COL5A2: variants seen among roughly 807,000 people sequenced by gnomAD.
COL5A2 encodes collagen type V alpha 2 chain, also known as collagen alpha-2(V) chain.
A neutral mutation model predicts 208.2 loss-of-function variants in COL5A2; 23 were observed. The ratio of observed to expected loss-of-function variants is 0.11; its 90% CI spans 0.08 to 0.16. The LOEUF (loss-of-function observed/expected upper bound fraction) is 0.16. Ranked by LOEUF, COL5A2 falls within the 10% of genes least tolerant of loss-of-function variation. The pLI is 1.00. For missense variants in COL5A2, 1,590 were observed against 1,956.4 expected, an observed-to-expected ratio of 0.81 and a Z score of 3.53; for synonymous variants, 625 against 628.5, an observed-to-expected ratio of 0.99 and a Z score of 0.08.
At chr2:189,324,463 T>G in the COL5A2 span, among the ~76,000 whole-genome samples, 1 of 151,856 alleles carries the variant, frequency 6.6e-6, no homozygotes, top group Admixed American at 6.6e-5. Context: ...TCAAACAAAT[T>G]TACAAGAAAA....
intron 1 of COL5A2, among the ~76,000 whole-genome samples, chr2:189,122,646 A>G (rs1466897386): frequency 1.3e-5 from 2 of 152,170 alleles, no homozygotes; most frequent in African/African-American, 2.4e-5. Flanking sequence ...TGTAAACTCT[A>G]CTGGGCTGTA....
intron 45 of COL5A2, 75 bp downstream of exon 45, chr2:189,048,134 C>T: frequency 1.5e-6 from 2 of 1,355,682 alleles, no homozygotes; most frequent in South Asian, 1.2e-5. Flanking sequence ...GGAAAAATGA[C>T]AGTTTTTAGT....
At chr2:189,371,863 T>A in the COL5A2 span, among the ~76,000 whole-genome samples, 1 of 152,196 alleles carries the variant, frequency 6.6e-6, no homozygotes, top group Non-Finnish European at 1.5e-5. Context: ...AATACAAGCA[T>A]GTTATAAAGC....
At chr2:189,066,922 T>A (rs1203466806) in intron 21 of COL5A2, 140 bp from the exon 22 acceptor site, 2 of 680,138 alleles carry the variant, frequency 2.9e-6, no homozygotes, top group Non-Finnish European at 2.7e-6. Context: ...TAATCATTTT[T>A]AAATGAATGC....
chr2:189,093,958 A>T (rs1004967987), intron 6 of COL5A2, among the ~76,000 whole-genome samples: 4 of 152,256 alleles, frequency 2.6e-5, no homozygotes, highest in African/African-American at 9.6e-5. Context: ...ATTATTACAT[A>T]CAAAAAGTGA....
chr2:189,378,008 C>T, the COL5A2 span, among the ~76,000 whole-genome samples: 1 of 152,050 alleles, frequency 6.6e-6, no homozygotes, highest in African/African-American at 2.4e-5. Context: ...TAAGAGTTAC[C>T]TAACTTAAAC....
chr2:189,249,202 T>C, the COL5A2 span, among the ~76,000 whole-genome samples: 2 of 152,184 alleles, frequency 1.3e-5, no homozygotes, highest in African/African-American at 4.8e-5. Context: ...CCAGCAATTA[T>C]CATTAATTGC....
chr2:189,289,266 G>A, the COL5A2 span, among the ~76,000 whole-genome samples: 2 of 151,982 alleles, frequency 1.3e-5, no homozygotes, highest in African/African-American at 4.8e-5. Context: ...GCCTGAACCT[G>A]GGAGGCGGAG....
At chr2:189,370,132 T>A in the COL5A2 span, among the ~76,000 whole-genome samples, 3 of 152,194 alleles carry the variant, frequency 2.0e-5, no homozygotes, top group Non-Finnish European at 4.4e-5. Flanking sequence ...TCATCTCATC[T>A]CTACCTCTAA....
the COL5A2 span, chr2:189,311,879 A>C: frequency 7.7e-5 from 89 of 1,150,552 alleles, 1 homozygote; most frequent in South Asian, 1.0e-3. Context: ...TAGGCCTTTT[A>C]CTTCCTCTTT....
chr2:189,246,083 A>G, the COL5A2 span, among the ~76,000 whole-genome samples: 8 of 152,354 alleles, frequency 5.3e-5, no homozygotes, highest in African/African-American at 1.7e-4. Flanking sequence ...TGTAAACAGA[A>G]ATACGTTATT....
At chr2:189,236,903 T>C in the COL5A2 span, among the ~76,000 whole-genome samples, 1 of 151,850 alleles carries the variant, frequency 6.6e-6, no homozygotes. Flanking sequence ...TCTTTATAGT[T>C]AGCAATTTGT....
At chr2:189,337,424 C>T in the COL5A2 span, among the ~76,000 whole-genome samples, 65 of 152,014 alleles carry the variant, frequency 4.3e-4, no homozygotes, top group African/African-American at 8.4e-4. Context: ...CCTCGTGATC[C>T]GCCCGCCTCG....
chr2:189,249,082 A>G, the COL5A2 span, among the ~76,000 whole-genome samples: 2 of 152,172 alleles, frequency 1.3e-5, no homozygotes, highest in Admixed American at 6.5e-5. Context: ...AAAAGATTTT[A>G]TTAAAATAAA....
At chr2:189,047,651 A>G (rs1438444231) in intron 45 of COL5A2, among the ~76,000 whole-genome samples, 4 of 152,128 alleles carry the variant, frequency 2.6e-5, no homozygotes, top group African/African-American at 9.7e-5. Context: ...ATCATAACAG[A>G]CTTTGGAGTG....
At chr2:189,041,023 C>A (rs2153506741) in intron 50 of COL5A2, among the ~76,000 whole-genome samples, 1 of 152,294 alleles carries the variant, frequency 6.6e-6, no homozygotes. Flanking sequence ...CATATACAAA[C>A]ACGCACATGA....
At chr2:189,204,082 A>G (rs1689113667) in intron 1 of COL5A2, among the ~76,000 whole-genome samples, 1 of 152,216 alleles carries the variant, frequency 6.6e-6, no homozygotes, top group South Asian at 2.1e-4. Flanking sequence ...TATTTTTAGC[A>G]GAGACGGGGT....
chr2:189,259,968 A>T, the COL5A2 span, among the ~76,000 whole-genome samples: 1 of 152,198 alleles, frequency 6.6e-6, no homozygotes. Context: ...GAGAAAGAAG[A>T]GGGCAAAGAA....
chr2:189,239,743 C>T, the COL5A2 span, among the ~76,000 whole-genome samples: 2 of 151,324 alleles, frequency 1.3e-5, no homozygotes, highest in East Asian at 3.9e-4. Flanking sequence ...ACATTGTGCA[C>T]ATGTACCCTA....
Sources: gnomAD v4.1 joint callset for allele counts (sites outside exome capture counted in the v4.1 genomes callset) on GRCh38, gnomAD v4.1.1 for gene constraint, MANE v1.5 for transcripts, NCBI Gene and HGNC (gene_info 2026-07-23, HGNC 2026-07-21) for gene names.